SEMA3A: variants seen among roughly 807,000 people sequenced by gnomAD.
The protein encoded by SEMA3A is semaphorin-3A.
SEMA3A carries 29 observed loss-of-function variants against 97.9 expected under a neutral mutation model. The ratio of observed to expected loss-of-function variants is 0.30; its 90% confidence interval spans 0.22 to 0.40. The LOEUF (loss-of-function observed/expected upper bound fraction) is 0.40. Ranked by LOEUF, SEMA3A falls within the 10% of genes least tolerant of loss-of-function variation. The pLI is 1.00. For missense variants in SEMA3A, 763 were observed against 951.3 expected, an observed-to-expected ratio of 0.80 and a Z score of 2.60; for synonymous variants, 321 against 323.7, an observed-to-expected ratio of 0.99 and a Z score of 0.09.
intron 6 of SEMA3A, among the ~76,000 whole-genome samples, chr7:84,030,987 GTTTTTT>G (rs10615974): frequency 1.1e-4 from 10 of 95,016 alleles, no homozygotes; most frequent in East Asian, 3.5e-4. Flanking sequence ...TTTTGGTCAA[GTTTTTT>G]TTTTTTTTTT....
intron 3 of SEMA3A, among the ~76,000 whole-genome samples, chr7:84,271,961 CTGAGTCTG>C (rs1269423889): frequency 1.3e-5 from 2 of 152,032 alleles, no homozygotes; most frequent in Non-Finnish European, 2.9e-5. Context: ...AATGCAAGCA[CTGAGTCTG>C]TTTACTTGCC....
At chr7:83,996,658 G>T (rs1790233898) in intron 12 of SEMA3A, among the ~76,000 whole-genome samples, 1 of 151,238 alleles carries the variant, frequency 6.6e-6, no homozygotes, top group African/African-American at 2.4e-5. Context: ...TATAATCACA[G>T]TCTTTACTGT....
At chr7:84,261,327 A>T (rs1022075970) in intron 3 of SEMA3A, among the ~76,000 whole-genome samples, 1 of 152,060 alleles carries the variant, frequency 6.6e-6, no homozygotes, top group African/African-American at 2.4e-5. Context: ...AGAACTCAGG[A>T]CTCACTGAAT....
intron 1 of SEMA3A, among the ~76,000 whole-genome samples, chr7:84,183,727 C>T (rs1359630276): frequency 6.6e-6 from 1 of 151,820 alleles, no homozygotes; most frequent in Non-Finnish European, 1.5e-5. Context: ...AAAATTTTAC[C>T]TTTTTGGAAA....
intron 4 of SEMA3A, among the ~76,000 whole-genome samples, chr7:84,090,694 A>C (rs1447053221): frequency 6.6e-6 from 1 of 152,224 alleles, no homozygotes; most frequent in Non-Finnish European, 1.5e-5. Context: ...TGATGTTGAC[A>C]CTGGTATCTA....
chr7:84,423,022 C>A (rs919825942), intron 1 of SEMA3A, among the ~76,000 whole-genome samples: 1 of 151,882 alleles, frequency 6.6e-6, no homozygotes, highest in African/African-American at 2.4e-5. Flanking sequence ...TTTTCACCAT[C>A]CAGTGATTAA....
intron 6 of SEMA3A, among the ~76,000 whole-genome samples, chr7:84,043,984 A>G (rs1200594989): frequency 6.6e-6 from 1 of 152,028 alleles, no homozygotes; most frequent in African/African-American, 2.4e-5. Context: ...ATAAAAATGA[A>G]ATGGATACTA....
At chr7:84,434,572 G>A (rs1424488442) in intron 1 of SEMA3A, among the ~76,000 whole-genome samples, 1 of 152,044 alleles carries the variant, frequency 6.6e-6, no homozygotes, top group Non-Finnish European at 1.5e-5. Context: ...GAAAACTACA[G>A]GCCAATATCC....
At chr7:84,230,873 T>C (rs763952498) in intron 3 of SEMA3A, among the ~76,000 whole-genome samples, 6 of 151,994 alleles carry the variant, frequency 3.9e-5, no homozygotes, top group Non-Finnish European at 7.4e-5. Flanking sequence ...ATAATCAAGC[T>C]CCTGTTGTTA....
intron 9 of SEMA3A, among the ~76,000 whole-genome samples, chr7:84,010,472 G>A (rs1790834443): frequency 6.6e-6 from 1 of 152,126 alleles, no homozygotes; most frequent in Non-Finnish European, 1.5e-5. Context: ...ACCATGGACT[G>A]TTTTGACATT....
chr7:84,014,853 T>C (rs1165740845), intron 6 of SEMA3A, among the ~76,000 whole-genome samples: 1 of 152,090 alleles, frequency 6.6e-6, no homozygotes, highest in Non-Finnish European at 1.5e-5. Context: ...GCAGTGTCAT[T>C]CCACTAGATA....
intron 3 of SEMA3A, among the ~76,000 whole-genome samples, chr7:84,118,583 T>C (rs1050172891): frequency 6.6e-6 from 1 of 152,148 alleles, no homozygotes; most frequent in Non-Finnish European, 1.5e-5. Flanking sequence ...TTTGTTAGTT[T>C]CTACAAGACT....
intron 3 of SEMA3A, among the ~76,000 whole-genome samples, chr7:84,259,625 G>T (rs997809555): frequency 8.6e-5 from 13 of 152,016 alleles, no homozygotes; most frequent in African/African-American, 3.1e-4. Flanking sequence ...GAAAATAAAA[G>T]AATATTTATG....
intron 1 of SEMA3A, among the ~76,000 whole-genome samples, chr7:84,171,790 G>A (rs1026678558): frequency 1.3e-5 from 2 of 151,896 alleles, no homozygotes; most frequent in Non-Finnish European, 2.9e-5. Context: ...TTATTTTAAT[G>A]CTAAATATTT....
At chr7:84,344,921 T>C (rs1251301957) in intron 2 of SEMA3A, among the ~76,000 whole-genome samples, 1 of 152,102 alleles carries the variant, frequency 6.6e-6, no homozygotes, top group Non-Finnish European at 1.5e-5. Context: ...ATAAAATATT[T>C]TGAAAACACA....
At chr7:84,296,070 TAC>T (rs1171185478) in intron 3 of SEMA3A, among the ~76,000 whole-genome samples, 2 of 152,098 alleles carry the variant, frequency 1.3e-5, no homozygotes, top group African/African-American at 4.8e-5. Context: ...GATAAAACAG[TAC>T]ACAGAGAATT....
chr7:84,408,610 A>T (rs1270467414), intron 1 of SEMA3A, among the ~76,000 whole-genome samples: 1 of 152,072 alleles, frequency 6.6e-6, no homozygotes, highest in East Asian at 1.9e-4. Context: ...TTATTGTGGC[A>T]CTATTCACAA....
chr7:83,977,817 T>C (rs943723227), intron 14 of SEMA3A, among the ~76,000 whole-genome samples: 1 of 150,430 alleles, frequency 6.6e-6, no homozygotes, highest in African/African-American at 2.4e-5. Context: ...TCTTTTTTTT[T>C]TTTTGAGACA....
At chr7:84,130,074 TA>T (rs1464974711) in intron 2 of SEMA3A, among the ~76,000 whole-genome samples, 3 of 152,068 alleles carry the variant, frequency 2.0e-5, no homozygotes, top group African/African-American at 7.2e-5. Context: ...CCTATCTGTA[TA>T]GGGGCAGAAC....
Sources: gnomAD v4.1 joint callset for allele counts (sites outside exome capture counted in the v4.1 genomes callset) on GRCh38, gnomAD v4.1.1 for gene constraint, MANE v1.5 for transcripts, NCBI Gene and HGNC (gene_info 2026-07-23, HGNC 2026-07-21) for gene names.